Variants in TSC22D2 observed in about 807,000 individuals in gnomAD.
TSC22D2 encodes the protein TSC22 domain family member 2.
TSC22D2 carries 5 observed loss-of-function variants against 50.1 expected under a neutral mutation model. That is an observed-to-expected ratio of 0.10 (90% CI 0.05 to 0.21). The LOEUF is 0.21. TSC22D2 is among the 10% of genes least tolerant of loss of function. TSC22D2 has a pLI of 1.00. For synonymous variants in TSC22D2, 501 were observed against 450.1 expected, an observed-to-expected ratio of 1.11 and a Z score of -1.43; for missense variants, 1,003 against 1,015.5, an observed-to-expected ratio of 0.99 and a Z score of 0.17.
intron 1 of TSC22D2, among the ~76,000 whole-genome samples, chr3:150,415,435 G>C (rs775460839): frequency 1.6e-4 from 24 of 152,148 alleles, no homozygotes; most frequent in Non-Finnish European, 1.0e-4. Flanking sequence ...ACCTTTATGA[G>C]AAGTCATTTT....
chr3:150,452,401 C>T (rs746109053), intron 1 of TSC22D2, among the ~76,000 whole-genome samples: 4 of 151,762 alleles, frequency 2.6e-5, no homozygotes, highest in Admixed American at 1.3e-4. Flanking sequence ...GCTGAGATCG[C>T]GCCATTTCAC....
Position 150,440,631 on chromosome 3 carries a change from T to A in TSC22D2, c.1959-16445T>A, listed in dbSNP as rs554051661. On this transcript the variant is annotated intron_variant, in intron 1 of 2. Transcript: ENST00000688009. The stretch of plus-strand genomic sequence containing the variant: ...TATTGCATGTAAAACCCTTATTAAA[T>A]GCTATGTGAGAGTTTTCCATTTGCC... Among the ~76,000 whole-genome samples the A allele has an allele frequency of 7.9e-5, 12 of 151,542 alleles. No homozygotes were observed. In the East Asian group the frequency reaches 2.3e-3, roughly 29 times the overall value.
At chr3:150,455,916 A>G (rs2108105798) in intron 1 of TSC22D2, among the ~76,000 whole-genome samples, 1 of 151,732 alleles carries the variant, frequency 6.6e-6, no homozygotes, top group Admixed American at 6.5e-5. Flanking sequence ...TTAAAAAACA[A>G]TAAAAGGGTA....
Position 150,409,077 on chromosome 3 carries a change from G to C in TSC22D2, c.-274G>C, listed in dbSNP as rs1719385074. Reference sequence around the variant, plus strand: ...GCCTCTGAGGGAATTGAATTGAGGCGCCGCGGCTGCGAGAGCTAAAAAGGA... The same window carrying C: ...GCCTCTGAGGGAATTGAATTGAGGCCCCGCGGCTGCGAGAGCTAAAAAGGA... On this transcript the variant is annotated 5_prime_UTR_variant, in exon 1 of 3. Coordinates refer to ENST00000688009, the MANE Select transcript of TSC22D2 (RefSeq NM_001303264.2). The surrounding 1 kb of genome is among the most constrained non-coding windows in gnomAD (Gnocchi z 7.4). 2.9e-6 allele frequency: 1 copy of C among 340,196 alleles called. No homozygotes were observed. The allele number at this position is 340,196 out of a possible 1,614,324, so 21.1% of individuals were successfully genotyped here.
intron 1 of TSC22D2, among the ~76,000 whole-genome samples, chr3:150,416,529 A>C (rs1451928089): frequency 6.6e-6 from 1 of 152,132 alleles, no homozygotes; most frequent in Non-Finnish European, 1.5e-5. Context: ...TTTCGATGGT[A>C]TTGTATTGAG....
At position 150,410,796 on chromosome 3, in the gene TSC22D2, T is replaced by G. The variant is rs1167536607; in HGVS notation, c.1446T>G (p.Pro482=). 1 of 1,612,780 alleles carries G rather than the reference T, an allele frequency of 6.2e-7. No individual in the cohort carries two copies. The highest frequency in any genetic ancestry group is 1.1e-5 in the South Asian group (1 of 91,000). The change falls in exon 1 of 3, where the codon CCT becomes CCG. Residue 482 remains proline (P), a synonymous_variant. Coordinates refer to ENST00000688009, the MANE Select transcript of TSC22D2 (RefSeq NM_001303264.2). ...GGGCTGGGCAGCCCCAGTCCGTGCC[T>G]CCGCCGCAGATGGGTGGCAGTGGTC... is the stretch of plus-strand genomic sequence containing the variant. ...PAGAGQPQSV[P]PPQMGGSGPL...
intron 1 of TSC22D2, among the ~76,000 whole-genome samples, chr3:150,424,797 C>A (rs766405835): frequency 1.3e-4 from 20 of 152,142 alleles, no homozygotes; most frequent in Admixed American, 6.5e-4. Context: ...ATAATAAAAT[C>A]AAAATATAAT....
chr3:150,437,774 C>G (rs896422739), intron 1 of TSC22D2, among the ~76,000 whole-genome samples: 1 of 152,084 alleles, frequency 6.6e-6, no homozygotes, highest in Non-Finnish European at 1.5e-5. Flanking sequence ...CACCACTGCA[C>G]TCCAGCCTGG....
chr3:150,439,328 C>T (rs1293755219), intron 1 of TSC22D2, among the ~76,000 whole-genome samples: 1 of 152,126 alleles, frequency 6.6e-6, no homozygotes, highest in Non-Finnish European at 1.5e-5. Context: ...GCCCATTCTG[C>T]CTTTTGAATA....
intron 1 of TSC22D2, among the ~76,000 whole-genome samples, chr3:150,451,972 A>C (rs1230522875): frequency 2.0e-5 from 3 of 152,094 alleles, no homozygotes; most frequent in Non-Finnish European, 4.4e-5. Context: ...GTCTTCCCAC[A>C]CAGCCTCCTG....
intron 1 of TSC22D2, among the ~76,000 whole-genome samples, chr3:150,435,564 G>T (rs1399904949): frequency 1.3e-5 from 2 of 152,186 alleles, no homozygotes; most frequent in East Asian, 3.9e-4. Context: ...TGAACAGCAG[G>T]TTGAAAATCT....
intron 1 of TSC22D2, among the ~76,000 whole-genome samples, chr3:150,455,476 A>C (rs1264733683): frequency 3.3e-5 from 5 of 152,240 alleles, no homozygotes; most frequent in Non-Finnish European, 7.3e-5. Flanking sequence ...GCTGTAATTA[A>C]TGTGGTTAAT....
chr3:150,450,912 A>G, intron 1 of TSC22D2, among the ~76,000 whole-genome samples: 1 of 152,182 alleles, frequency 6.6e-6, no homozygotes, highest in Non-Finnish European at 1.5e-5. Flanking sequence ...TGATGTTATT[A>G]CAGTGCTTAT....
intron 1 of TSC22D2, among the ~76,000 whole-genome samples, chr3:150,413,657 C>T (rs1576541007): frequency 6.7e-6 from 1 of 149,278 alleles, no homozygotes; most frequent in East Asian, 1.9e-4. Flanking sequence ...GTTTTCCAGG[C>T]ATATGTTTAA....
chr3:150,427,194 A>C (rs957237162), intron 1 of TSC22D2, among the ~76,000 whole-genome samples: 1 of 152,116 alleles, frequency 6.6e-6, no homozygotes, highest in Non-Finnish European at 1.5e-5. Context: ...AGGACTTGTA[A>C]AATTTTTTTA....
intron 1 of TSC22D2, among the ~76,000 whole-genome samples, chr3:150,422,056 A>G (rs1003567618): frequency 7.9e-5 from 12 of 152,212 alleles, no homozygotes; most frequent in Non-Finnish European, 1.6e-4. Flanking sequence ...AATGGTGCCT[A>G]CCTCTTAGGG....
chr3:150,429,003 A>G (rs534954585), intron 1 of TSC22D2, among the ~76,000 whole-genome samples: 81 of 152,266 alleles, frequency 5.3e-4, no homozygotes, highest in Middle Eastern at 3.4e-3. Context: ...ACTTTTCTAA[A>G]TGGAAGTACA....
intron 1 of TSC22D2, among the ~76,000 whole-genome samples, chr3:150,444,652 A>G (rs1482403570): frequency 6.6e-6 from 1 of 152,244 alleles, no homozygotes; most frequent in Non-Finnish European, 1.5e-5. Context: ...GATTTCACAC[A>G]AACTATTGTA....
At position 150,410,214 on chromosome 3, in the gene TSC22D2, C is replaced by T; in HGVS notation, c.864C>T (p.Ser288=). 6.3e-7 allele frequency: 1 copy of T among 1,582,940 alleles called. No homozygotes were observed. The highest frequency in any genetic ancestry group is 8.6e-7 in the Non-Finnish European group (1 of 1,164,938). The change falls in exon 1 of 3, where the codon AGC becomes AGT. Residue 288 remains serine (S), a synonymous_variant. Coordinates refer to ENST00000688009, the MANE Select transcript of TSC22D2 (RefSeq NM_001303264.2). ...CCGTAGGTGGGGCTGTGGCTCAAAG[C>T]TCGGCTCCGCTGCCGCCGTTCCCGG... The part of the protein sequence containing the change: ...PPPVGGAVAQ[S]SAPLPPFPGA...
Sources: gnomAD v4.1 joint callset for allele counts (sites outside exome capture counted in the v4.1 genomes callset) on GRCh38, gnomAD v4.1.1 for gene constraint, Gnocchi (gnomAD v3.1) non-coding constraint, MANE v1.5 for transcripts, NCBI Gene and HGNC (gene_info 2026-07-23, HGNC 2026-07-21) for gene names.